Variants in KCNK3 observed in about 807,000 individuals in gnomAD.
KCNK3 encodes potassium channel subfamily K member 3.
Under a neutral mutation model 27.3 loss-of-function variants are expected in KCNK3, and 9 were observed. That is an observed-to-expected ratio of 0.33 (90% confidence interval 0.20 to 0.57). The LOEUF (loss-of-function observed/expected upper bound fraction) is 0.57. Among genes scored for constraint, KCNK3 ranks in the 20% least tolerant of loss-of-function variants. The pLI is 0.87. For missense variants in KCNK3, 391 were observed against 577.7 expected, an observed-to-expected ratio of 0.68 and a Z score of 3.31; for synonymous variants, 278 against 273.8, an observed-to-expected ratio of 1.02 and a Z score of -0.15.
chr2:26,709,332 A>G (rs1663055628), intron 1 of KCNK3, among the ~76,000 whole-genome samples: 1 of 152,210 alleles, frequency 6.6e-6, no homozygotes, highest in Admixed American at 6.5e-5. Flanking sequence ...GGAAGGGGGT[A>G]GAGCTGGCAA....
At chr2:26,723,812 C>A (rs1663364456) in intron 1 of KCNK3, among the ~76,000 whole-genome samples, 1 of 152,126 alleles carries the variant, frequency 6.6e-6, no homozygotes, top group African/African-American at 2.4e-5. Flanking sequence ...TATGGATAGT[C>A]CTGGTAGTTT....
Position 26,695,800 on chromosome 2 carries a change from CAG to C in KCNK3, c.283+2645_283+2646del, listed in dbSNP as rs576268228. Reference sequence around the variant, plus strand: ...TAAAAGCCATGGGGGGAGAGGCAGACAGAGTGCGGTTCTGGTGATTATTTATT... The same window carrying C: ...TAAAAGCCATGGGGGGAGAGGCAGACAGTGCGGTTCTGGTGATTATTTATT... On this transcript the variant is annotated intron_variant, in intron 1 of 1. Transcript: ENST00000302909. Among the ~76,000 whole-genome samples, 138 of 152,326 alleles carry C rather than the reference CAG, an allele frequency of 9.1e-4. 1 individual carries two copies. Among genetic ancestry groups the C allele is most frequent in the Admixed American group, 1.4e-3 (21 of 15,300 alleles).
At position 26,732,068 on chromosome 2, in the gene KCNK3, C is replaced by T. The variant is rs1199630911; in HGVS notation, c.*3500C>T. The T allele has an allele frequency of 6.6e-6, 1 of 152,200 alleles. No homozygotes were observed. Among genetic ancestry groups the T allele is most frequent in the African/African-American group, 2.4e-5 (1 of 41,424 alleles). 9.4% of individuals were successfully genotyped at this position (152,200 alleles called of 1,614,324 possible). On this transcript the variant is annotated 3_prime_UTR_variant, in exon 2 of 2. Coordinates refer to ENST00000302909, the MANE Select transcript of KCNK3 (RefSeq NM_002246.3). ...CTTTGGGGTAGATTTTTCTCTGGGT[C>T]TAGAGGGACAGCTCAGGCTTGGGAC...
chr2:26,703,527 T>A (rs1168619128), intron 1 of KCNK3, among the ~76,000 whole-genome samples: 2 of 152,216 alleles, frequency 1.3e-5, no homozygotes, highest in East Asian at 3.9e-4. Flanking sequence ...AGAGTGGGAC[T>A]CAGGAGTGTC....
At chr2:26,702,155 C>T (rs556369131) in intron 1 of KCNK3, among the ~76,000 whole-genome samples, 5 of 152,166 alleles carry the variant, frequency 3.3e-5, no homozygotes, top group Admixed American at 2.6e-4. Context: ...GATCCAGTGG[C>T]TGTGAGAGCT....
At chr2:26,704,763 A>G (rs142863465) in intron 1 of KCNK3, among the ~76,000 whole-genome samples, 3 of 152,340 alleles carry the variant, frequency 2.0e-5, no homozygotes, top group African/African-American at 7.2e-5. Flanking sequence ...CCTCCGATCA[A>G]CGCAACAGAT....
chr2:26,706,108 C>T (rs946833058), intron 1 of KCNK3, among the ~76,000 whole-genome samples: 2 of 152,182 alleles, frequency 1.3e-5, no homozygotes, highest in Non-Finnish European at 2.9e-5. Context: ...GTATTCCATA[C>T]TTGGGAGGCT....
chr2:26,718,651 C>T (rs1357344268), intron 1 of KCNK3, among the ~76,000 whole-genome samples: 2 of 152,108 alleles, frequency 1.3e-5, no homozygotes, highest in South Asian at 2.1e-4. Flanking sequence ...CTCTGTCACC[C>T]AGGCTGGAGT....
Position 26,693,694 on chromosome 2 carries a change from C to G in KCNK3, c.283+536C>G, listed in dbSNP as rs1372583361. 6.6e-6 allele frequency among the ~76,000 whole-genome samples: 1 copy of G among 152,164 alleles called. No individual in the cohort carries two copies. The highest frequency in any genetic ancestry group is 1.5e-5 in the Non-Finnish European group (1 of 68,030). On this transcript the variant is annotated intron_variant, in intron 1 of 1. Coordinates refer to ENST00000302909, the MANE Select transcript of KCNK3 (RefSeq NM_002246.3). This position sits in a 1 kb window ranked among gnomAD's most constrained non-coding sequence, Gnocchi z 5.5. ...GTACGTGTGTCTGCGTGTTTCAGCTCCAGGAGTTTGGTCGCCACCAGTCAG... is the reference window on the plus strand; with the variant it reads ...GTACGTGTGTCTGCGTGTTTCAGCTGCAGGAGTTTGGTCGCCACCAGTCAG...
intron 1 of KCNK3, among the ~76,000 whole-genome samples, chr2:26,710,110 G>A (rs146287982): frequency 5.9e-5 from 9 of 152,314 alleles, no homozygotes; most frequent in South Asian, 2.1e-4. Flanking sequence ...CTGTCCTTGC[G>A]AGATGTTCCC....
At position 26,721,011 on chromosome 2, in the gene KCNK3, T is replaced by C. The variant is rs1663318745; in HGVS notation, c.284-6656T>C. ...ATTTTGAAGGGGCCAGAGGCCACAG[T>C]GAAGGCAGGAGCTATGAGTCACCCG... On this transcript the variant is annotated intron_variant, in intron 1 of 1. Transcript: ENST00000302909. The surrounding 1 kb of genome is among the most constrained non-coding windows in gnomAD (Gnocchi z 4.3). Among the ~76,000 whole-genome samples the C allele has an allele frequency of 6.6e-6, 1 of 152,100 alleles. No homozygotes were observed. Among genetic ancestry groups the C allele is most frequent in the African/African-American group, 2.4e-5 (1 of 41,404 alleles).
In KCNK3 at chr2:26,732,297, A is replaced by G. The variant is rs960372038; in HGVS notation, c.*3729A>G. Reference sequence around the variant, plus strand: ...ATTCTTAGCAACCCTGCTACAGCCAATGATTCTAATACGTTCTGTTCTATT... The same window carrying G: ...ATTCTTAGCAACCCTGCTACAGCCAGTGATTCTAATACGTTCTGTTCTATT... On this transcript the variant is annotated 3_prime_UTR_variant, in exon 2 of 2. Coordinates refer to ENST00000302909, the MANE Select transcript of KCNK3 (RefSeq NM_002246.3). 1.3e-5 allele frequency: 2 copies of G among 152,248 alleles called. No individual in the cohort carries two copies. Among genetic ancestry groups the G allele is most frequent in the Non-Finnish European group, 2.9e-5 (2 of 68,074 alleles). 9.4% of individuals were successfully genotyped at this position (152,248 alleles called of 1,614,324 possible).
At chr2:26,700,766 C>CCAT (rs151248004) in intron 1 of KCNK3, among the ~76,000 whole-genome samples, 1 of 140,706 alleles carries the variant, frequency 7.1e-6, no homozygotes, top group Non-Finnish European at 1.6e-5. Flanking sequence ...ATCATCATCA[C>CCAT]CATCATCATC....
At position 26,727,382 on chromosome 2, in the gene KCNK3, G is replaced by A. The variant is rs1467907129; in HGVS notation, c.284-285G>A. 2.0e-5 allele frequency among the ~76,000 whole-genome samples: 3 copies of A among 152,156 alleles called. No individual in the cohort carries two copies. In the South Asian group the frequency reaches 6.2e-4, roughly 31 times the overall value. Reference sequence around the variant, plus strand: ...AACAGTCCCGTCATTGAGGTCAAACGGACTCGAGTTCAAACACGGTTGTTC... The same window carrying A: ...AACAGTCCCGTCATTGAGGTCAAACAGACTCGAGTTCAAACACGGTTGTTC... On this transcript the variant is annotated intron_variant, in intron 1 of 1. Coordinates refer to ENST00000302909, the MANE Select transcript of KCNK3 (RefSeq NM_002246.3).
intron 1 of KCNK3, among the ~76,000 whole-genome samples, chr2:26,714,024 C>T (rs1321897731): frequency 2.7e-5 from 4 of 150,788 alleles, no homozygotes; most frequent in East Asian, 3.9e-4. Context: ...TGCAGTGAGC[C>T]GAGATCGCGC....
At chr2:26,700,691 G>A (rs1195793515) in intron 1 of KCNK3, among the ~76,000 whole-genome samples, 3 of 152,058 alleles carry the variant, frequency 2.0e-5, no homozygotes, top group East Asian at 1.9e-4. Context: ...ATTGTTTGCT[G>A]TTGCTGCTTC....
intron 1 of KCNK3, among the ~76,000 whole-genome samples, chr2:26,701,817 G>C (rs1670311248): frequency 6.6e-6 from 1 of 152,126 alleles, no homozygotes; most frequent in Admixed American, 6.5e-5. Context: ...GCGCATGCCT[G>C]TAGTCCTAGC....
chr2:26,714,591 G>A (rs1005240989), intron 1 of KCNK3, among the ~76,000 whole-genome samples: 1 of 109,344 alleles, frequency 9.1e-6, no homozygotes, highest in South Asian at 3.2e-4. Flanking sequence ...ACAACCTTAA[G>A]AGGAGGGATG....
intron 1 of KCNK3, among the ~76,000 whole-genome samples, chr2:26,713,427 A>G (rs979539194): frequency 6.6e-6 from 1 of 151,726 alleles, no homozygotes; most frequent in Non-Finnish European, 1.5e-5. Context: ...TATTGTGTGG[A>G]CTGGGGGAAC....
Sources: allele counts gnomAD v4.1 joint callset (sites outside exome capture counted in the v4.1 genomes callset), GRCh38; gene constraint gnomAD v4.1.1; non-coding constraint Gnocchi (gnomAD v3.1); transcripts MANE v1.5; gene names NCBI Gene and HGNC (gene_info 2026-07-23, HGNC 2026-07-21).